The following TLR4 variants were observed in gnomAD, a reference collection of about 807,000 sequenced individuals.
The protein encoded by TLR4 is toll like receptor 4.
A neutral mutation model predicts 27.4 loss-of-function variants in TLR4; 17 were observed. The observed-to-expected ratio is 0.62, with a 90% CI of 0.42 to 0.93. The LOEUF (loss-of-function observed/expected upper bound fraction) is 0.93. TLR4 is among the 40% of genes least tolerant of loss of function. The probability of loss-of-function intolerance (pLI) is 0.00; values close to 1 mark genes in which losing one functional copy is unlikely to be tolerated. For missense variants in TLR4, 926 were observed against 962.3 expected (o/e 0.96, Z 0.50); for synonymous variants, 363 against 365.7 (o/e 0.99, Z 0.08).
At position 117,715,543 on chromosome 9, in the gene TLR4, A is replaced by G. The variant is rs958800004; in HGVS notation, c.*895A>G. 2.0e-5 allele frequency: 3 copies of G among 152,184 alleles called. No homozygotes were observed. The highest frequency in any genetic ancestry group is 2.9e-5 in the Non-Finnish European group (2 of 68,036). The allele number at this position is 152,184 out of a possible 1,614,324, so 9.4% of individuals were successfully genotyped here. On this transcript the variant is annotated 3_prime_UTR_variant, in exon 3 of 3. Coordinates refer to ENST00000355622, the MANE Select transcript of TLR4 (RefSeq NM_138554.5). Reference sequence around the variant, plus strand: ...AAAATTTCCGCTTCCTGGTCTTATCATGGACAATTTGGGCTAGAGGCAGGA... The same window carrying G: ...AAAATTTCCGCTTCCTGGTCTTATCGTGGACAATTTGGGCTAGAGGCAGGA...
chr9:117,707,523 C>A (rs1260828417), intron 1 of TLR4, among the ~76,000 whole-genome samples: 1 of 152,136 alleles, frequency 6.6e-6, no homozygotes, highest in African/African-American at 2.4e-5. Context: ...TGGTTTCAAA[C>A]AACAGAAAAC....
At chr9:117,707,362 A>G (rs1480252983) in intron 1 of TLR4, among the ~76,000 whole-genome samples, 2 of 152,216 alleles carry the variant, frequency 1.3e-5, no homozygotes, top group Non-Finnish European at 1.5e-5. Context: ...GTGAAAGTAT[A>G]TAACAAACAA....
Position 117,714,860 on chromosome 9 carries a change from G to T in TLR4, c.*212G>T, listed in dbSNP as rs1247891879. 1 of 587,584 alleles carries T rather than the reference G, an allele frequency of 1.7e-6. No individual in the cohort carries two copies. Among genetic ancestry groups the T allele is most frequent in the Non-Finnish European group, 3.0e-6 (1 of 330,650 alleles). 36.4% of individuals were successfully genotyped at this position (587,584 alleles called of 1,614,324 possible). ...CTAAAATACAGAGTCTTCCAGGTGG[G>T]CATTTCAACCAACTCAGTCAAGGAA... On this transcript the variant is annotated 3_prime_UTR_variant, in exon 3 of 3. Transcript: ENST00000355622.
At position 117,724,660 on chromosome 9, in the gene TLR4, G is replaced by A. The variant is rs999587848; in HGVS notation, c.*10012G>A. On this transcript the variant is annotated 3_prime_UTR_variant, in exon 3 of 3. Coordinates refer to ENST00000355622, the MANE Select transcript of TLR4 (RefSeq NM_138554.5). ...CTTGTTTGTCTCGGCTTAAAATGGG[G>A]ATAATATCTACCTCTCAGTTTTGTT... 5.3e-5 allele frequency: 8 copies of A among 152,176 alleles called. No homozygotes were observed. The highest frequency in any genetic ancestry group is 2.1e-4 in the South Asian group (1 of 4,810). The allele number at this position is 152,176 out of a possible 1,614,324, so 9.4% of individuals were successfully genotyped here. A position where few individuals can be genotyped will look rare whatever the true frequency, so the allele number is the denominator to read the frequency against.
At chr9:117,709,980 T>C (rs1202456763) in intron 2 of TLR4, among the ~76,000 whole-genome samples, 1 of 152,062 alleles carries the variant, frequency 6.6e-6, no homozygotes, top group Non-Finnish European at 1.5e-5. Context: ...GGATTAAATG[T>C]GATAATAAAT....
intron 2 of TLR4, among the ~76,000 whole-genome samples, chr9:117,710,913 T>TATTCTCTAAATAAATA (rs1829220697): frequency 2.0e-5 from 3 of 152,136 alleles, no homozygotes; most frequent in African/African-American, 7.2e-5. Flanking sequence ...TCTAAAGTGA[T>TATTCTCTAAATAAATA]TATCACCAAT....
At position 117,723,440 on chromosome 9, in the gene TLR4, C is replaced by A. The variant is rs1588099059; in HGVS notation, c.*8792C>A. ...CCACTAACAGGCTGTTGAACAAAGG[C>A]AAATCTCTTGATCTCTTTGCTCTTT... On this transcript the variant is annotated 3_prime_UTR_variant, in exon 3 of 3. Transcript: ENST00000355622. 1 of 152,278 alleles carries A rather than the reference C, an allele frequency of 6.6e-6. No individual in the cohort carries two copies. Among genetic ancestry groups the A allele is most frequent in the South Asian group, 2.1e-4 (1 of 4,822 alleles). 9.4% of individuals were successfully genotyped at this position (152,278 alleles called of 1,614,324 possible). A position where few individuals can be genotyped will look rare whatever the true frequency, so the allele number is the denominator to read the frequency against.
rs558966678 is a variant in TLR4, at chr9:117,722,656, A to G, written c.*8008A>G. 2 of 152,382 alleles carry G rather than the reference A, an allele frequency of 1.3e-5. No homozygotes were observed. The highest frequency in any genetic ancestry group is 2.1e-4 in the South Asian group (1 of 4,828). 9.4% of individuals were successfully genotyped at this position (152,382 alleles called of 1,614,324 possible). A position where few individuals can be genotyped will look rare whatever the true frequency, so the allele number is the denominator to read the frequency against. ...TTCTGGCATATTAACAGCTGAGATCAGATAAGTGAACAGCGATAGAGGTAG... is the reference window on the plus strand; with the variant it reads ...TTCTGGCATATTAACAGCTGAGATCGGATAAGTGAACAGCGATAGAGGTAG... On this transcript the variant is annotated 3_prime_UTR_variant, in exon 3 of 3. Transcript: ENST00000355622.
At position 117,712,892 on chromosome 9, in the gene TLR4, T is replaced by C. The variant is rs1829261003; in HGVS notation, c.764T>C (p.Val255Ala). The C allele has an allele frequency of 1.9e-6, 3 of 1,613,962 alleles. No homozygotes were observed. Residue 255 changes from valine to alanine, a missense_variant, in exon 3 of 3, where the codon GTC becomes GCC. Transcript: ENST00000355622. ...ATTCAAGGTCTGGCTGGTTTAGAAGTCCATCGTTTGGTTCTGGGAGAATTT... is the reference window on the plus strand; with the variant it reads ...ATTCAAGGTCTGGCTGGTTTAGAAGCCCATCGTTTGGTTCTGGGAGAATTT... ...TCIQGLAGLE[V>A]HRLVLGEFRN...
chr9:117,710,138 T>G (rs1303482344), intron 2 of TLR4, among the ~76,000 whole-genome samples: 4 of 152,100 alleles, frequency 2.6e-5, no homozygotes, highest in Non-Finnish European at 4.4e-5. Flanking sequence ...AATGCTGAGG[T>G]GTAGGGTACA....
In TLR4 at chr9:117,712,562, C is replaced by G; in HGVS notation, c.434C>G (p.Pro145Arg). ...ETNLASLENF[P>R]IGHLKTLKEL... Reference sequence around the variant, plus strand: ...AATCTAGCATCTCTAGAGAACTTCCCCATTGGACATCTCAAAACTTTGAAA... The same window carrying G: ...AATCTAGCATCTCTAGAGAACTTCCGCATTGGACATCTCAAAACTTTGAAA... The change falls in exon 3 of 3, where the codon CCC becomes CGC. Residue 145 changes from proline to arginine, a missense_variant. Transcript: ENST00000355622. The G allele has an allele frequency of 6.2e-7, 1 of 1,613,956 alleles. No individual in the cohort carries two copies. Among genetic ancestry groups the G allele is most frequent in the Non-Finnish European group, 8.5e-7 (1 of 1,179,960 alleles).
Position 117,716,804 on chromosome 9 carries a change from C to G in TLR4, c.*2156C>G, listed in dbSNP as rs1467865073. On this transcript the variant is annotated 3_prime_UTR_variant, in exon 3 of 3. Transcript: ENST00000355622. ...TACCTTGATTGTGGTGATGGTTTGA[C>G]AGGTATGTGACTATGTCTAAACTCA... is the stretch of plus-strand genomic sequence containing the variant. The G allele has an allele frequency of 6.6e-6, 1 of 152,100 alleles. No homozygotes were observed. The highest frequency in any genetic ancestry group is 1.5e-5 in the Non-Finnish European group (1 of 68,028). The allele number at this position is 152,100 out of a possible 1,614,324, so 9.4% of individuals were successfully genotyped here. A position where few individuals can be genotyped will look rare whatever the true frequency, so the allele number is the denominator to read the frequency against.
intron 2 of TLR4, 66 bp downstream of exon 2, chr9:117,708,795 G>T: frequency 6.3e-7 from 1 of 1,599,096 alleles, no homozygotes; most frequent in South Asian, 1.1e-5. Context: ...TTCATTATTG[G>T]ACTGGAAAGC....
At position 117,720,705 on chromosome 9, in the gene TLR4, C is replaced by T. The variant is rs1260115158; in HGVS notation, c.*6057C>T. The T allele has an allele frequency of 1.3e-5, 2 of 152,226 alleles. No individual in the cohort carries two copies. Among genetic ancestry groups the T allele is most frequent in the African/African-American group, 2.4e-5 (1 of 41,450 alleles). The allele number at this position is 152,226 out of a possible 1,614,324, so 9.4% of individuals were successfully genotyped here. A position where few individuals can be genotyped will look rare whatever the true frequency, so the allele number is the denominator to read the frequency against. On this transcript the variant is annotated 3_prime_UTR_variant, in exon 3 of 3. Transcript: ENST00000355622. Reference sequence around the variant, plus strand: ...AAAACCAGCCAGTTACCAATTTGAGCTCTTGACTCATACTAACAACACCCC... The same window carrying T: ...AAAACCAGCCAGTTACCAATTTGAGTTCTTGACTCATACTAACAACACCCC...
chr9:117,722,365 A>C lies in TLR4; in HGVS notation c.*7717A>C, dbSNP rs1484442671. Reference sequence around the variant, plus strand: ...TGATCACTGACGGTTGAAATTCAGTAGTTTTGGTCTTTAAGCTGAGACCCT... The same window carrying C: ...TGATCACTGACGGTTGAAATTCAGTCGTTTTGGTCTTTAAGCTGAGACCCT... On this transcript the variant is annotated 3_prime_UTR_variant, in exon 3 of 3. Coordinates refer to ENST00000355622, the MANE Select transcript of TLR4 (RefSeq NM_138554.5). The C allele has an allele frequency of 6.6e-6, 1 of 152,134 alleles. No individual in the cohort carries two copies. The highest frequency in any genetic ancestry group is 6.6e-5 in the Admixed American group (1 of 15,264). 9.4% of individuals were successfully genotyped at this position (152,134 alleles called of 1,614,324 possible). A position where few individuals can be genotyped will look rare whatever the true frequency, so the allele number is the denominator to read the frequency against.
chr9:117,708,483 C>T lies in TLR4; in HGVS notation c.94-80C>T. 3.1e-6 allele frequency: 5 copies of T among 1,607,562 alleles called. No homozygotes were observed. The South Asian group carries it at 3.3e-5, about 11-fold the overall frequency. ...TGTGCTTGCACAAAAAGAGGCCCCTCTCCACCATCTCTGGTCTAGGAGAGG... is the reference window on the plus strand; with the variant it reads ...TGTGCTTGCACAAAAAGAGGCCCCTTTCCACCATCTCTGGTCTAGGAGAGG... On this transcript the variant is annotated intron_variant, in intron 1 of 2. Coordinates refer to ENST00000355622, the MANE Select transcript of TLR4 (RefSeq NM_138554.5).
chr9:117,713,639 C>G lies in TLR4; in HGVS notation c.1511C>G (p.Ser504Cys). The change falls in exon 3 of 3, where the codon TCT becomes TGT. Residue 504 changes from serine to cysteine, a missense_variant. Physicochemically the swap from Ser to Cys is moderately radical, Grantham distance 112 (BLOSUM62 -1). Coordinates refer to ENST00000355622, the MANE Select transcript of TLR4 (RefSeq NM_138554.5). ...ELRNLTFLDL[S>C]QCQLEQLSPT... ...AGAAACTTGACCTTCCTGGACCTCT[C>G]TCAGTGTCAACTGGAGCAGTTGTCT... The G allele has an allele frequency of 6.2e-7, 1 of 1,614,118 alleles. No homozygotes were observed. The highest frequency in any genetic ancestry group is 8.5e-7 in the Non-Finnish European group (1 of 1,180,028).
intron 2 of TLR4, among the ~76,000 whole-genome samples, chr9:117,710,029 A>T (rs1829204619): frequency 6.6e-6 from 1 of 152,106 alleles, no homozygotes; most frequent in African/African-American, 2.4e-5. Context: ...TATAAAATAT[A>T]TTTTATAAGC....
chr9:117,707,818 G>T (rs1319955472), intron 1 of TLR4, among the ~76,000 whole-genome samples: 1 of 152,188 alleles, frequency 6.6e-6, no homozygotes, highest in Non-Finnish European at 1.5e-5. Flanking sequence ...GACTAAGGAA[G>T]GTCTGGACAT....
Sources: gnomAD v4.1 joint callset for allele counts (sites outside exome capture counted in the v4.1 genomes callset) on GRCh38, gnomAD v4.1.1 for gene constraint, MANE v1.5 for transcripts, NCBI Gene and HGNC (gene_info 2026-07-23, HGNC 2026-07-21) for gene names.